The following MYH15 variants were observed in gnomAD, a reference collection of about 807,000 sequenced individuals.
MYH15 encodes the protein myosin-15.
MYH15 carries 227 observed loss-of-function variants against 240.5 expected under a neutral mutation model. That is an observed-to-expected ratio of 0.94 (90% CI 0.85 to 1.05). The LOEUF (loss-of-function observed/expected upper bound fraction) is 1.05, where lower values mean the gene tolerates loss of function less well. Ranked by LOEUF, MYH15 falls within the 50% of genes least tolerant of loss-of-function variation. The probability of loss-of-function intolerance (pLI) is 0.00; values close to 1 mark genes in which losing one functional copy is unlikely to be tolerated. For synonymous variants in MYH15, 785 were observed against 796.7 expected (o/e 0.99, Z 0.25); for missense variants, 2,217 against 2,247.5 (o/e 0.99, Z 0.27).
At chr3:108,541,248 CAAAT>C in the MYH15 span, among the ~76,000 whole-genome samples, 6 of 151,600 alleles carry the variant, frequency 4.0e-5, no homozygotes, top group Non-Finnish European at 5.9e-5. Flanking sequence ...GGAAAATTCT[CAAAT>C]AAATATGAGA....
At chr3:108,538,531 A>C in the MYH15 span, among the ~76,000 whole-genome samples, 1 of 152,228 alleles carries the variant, frequency 6.6e-6, no homozygotes, top group Non-Finnish European at 1.5e-5. Context: ...AACAGCATAC[A>C]CTTCAAGATT....
At chr3:108,453,370 T>C (rs1398002852) in intron 21 of MYH15, among the ~76,000 whole-genome samples, 1 of 152,250 alleles carries the variant, frequency 6.6e-6, no homozygotes, top group Non-Finnish European at 1.5e-5. Flanking sequence ...TGTAGACCTT[T>C]CTTCAGAAGA....
intron 11 of MYH15, among the ~76,000 whole-genome samples, chr3:108,484,727 A>T (rs2083292397): frequency 6.6e-6 from 1 of 151,928 alleles, no homozygotes. Context: ...TGATCCACCC[A>T]CCTCGGCCTC....
chr3:108,389,600 A>C (rs2082408867), intron 37 of MYH15, among the ~76,000 whole-genome samples: 1 of 152,200 alleles, frequency 6.6e-6, no homozygotes, highest in Non-Finnish European at 1.5e-5. Flanking sequence ...TGCCTGCTAC[A>C]TACCACACCC....
intron 5 of MYH15, among the ~76,000 whole-genome samples, chr3:108,498,414 T>C (rs2083410944): frequency 6.6e-6 from 1 of 152,208 alleles, no homozygotes; most frequent in African/African-American, 2.4e-5. Context: ...CTTGTGGTCC[T>C]AATAACAAGC....
At chr3:108,500,459 C>T (rs1335800817) in intron 3 of MYH15, among the ~76,000 whole-genome samples, 185 bp from the exon 4 acceptor site, 1 of 152,160 alleles carries the variant, frequency 6.6e-6, no homozygotes, top group East Asian at 1.9e-4. Flanking sequence ...AGAGTAACAT[C>T]AGGACCTGGG....
chr3:108,510,835 G>A (rs2083517656), upstream of MYH15, among the ~76,000 whole-genome samples: 2 of 151,998 alleles, frequency 1.3e-5, no homozygotes, highest in Non-Finnish European at 2.9e-5. Flanking sequence ...TGCTTTTAGG[G>A]GCCCATGAAA....
intron 1 of MYH15, among the ~76,000 whole-genome samples, chr3:108,516,827 C>A (rs966117567): frequency 1.3e-5 from 2 of 151,924 alleles, no homozygotes; most frequent in East Asian, 1.9e-4. Flanking sequence ...GAGTATTGCA[C>A]AAATTATTGA....
chr3:108,549,723 A>G, the MYH15 span: 1 of 152,054 alleles, frequency 6.6e-6, no homozygotes, highest in Admixed American at 6.6e-5. Context: ...TGGACATCAT[A>G]GAACACTGTC....
chr3:108,528,118 T>C (rs2083687654), intron 1 of MYH15, among the ~76,000 whole-genome samples: 1 of 152,184 alleles, frequency 6.6e-6, no homozygotes, highest in South Asian at 2.1e-4. Context: ...ACTGTAACAA[T>C]GGCAATTAAA....
intron 27 of MYH15, 104 bp downstream of exon 27, chr3:108,428,388 C>A (rs2082743552): frequency 1.5e-6 from 2 of 1,330,986 alleles, no homozygotes; most frequent in African/African-American, 1.5e-5. Context: ...AGAAAATACA[C>A]TGAGTCACTA....
intron 1 of MYH15, among the ~76,000 whole-genome samples, chr3:108,517,758 G>A (rs998277047): frequency 5.3e-5 from 8 of 152,202 alleles, no homozygotes; most frequent in Middle Eastern, 3.4e-3. Flanking sequence ...GTGAGCCACC[G>A]CACCCGGCCA....
intron 32 of MYH15, 42 bp from the exon 33 acceptor site, chr3:108,405,495 T>C (rs2082539864): frequency 1.6e-6 from 2 of 1,278,568 alleles, no homozygotes; most frequent in Non-Finnish European, 1.1e-6. Flanking sequence ...AGTCCACTTT[T>C]AGACAAAATT....
intron 16 of MYH15, among the ~76,000 whole-genome samples, chr3:108,462,788 T>C (rs28712334): frequency 0.015 from 2,312 of 152,150 alleles, 54 homozygotes; most frequent in African/African-American, 0.048. Flanking sequence ...ATTATATATA[T>C]ATAGTTATAT....
chr3:108,512,491 A>G (rs2083529035), upstream of MYH15, among the ~76,000 whole-genome samples: 1 of 152,118 alleles, frequency 6.6e-6, no homozygotes, highest in Non-Finnish European at 1.5e-5. Context: ...CACTCAGTAG[A>G]CAGTAGAGCT....
At chr3:108,541,474 T>TA in the MYH15 span, among the ~76,000 whole-genome samples, 6 of 150,502 alleles carry the variant, frequency 4.0e-5, no homozygotes, top group African/African-American at 1.5e-4. Context: ...AAAAGATGAA[T>TA]AAAAAAAAGA....
At chr3:108,493,019 A>AAAG in intron 8 of MYH15, 95 bp downstream of exon 8, 2 of 907,368 alleles carry the variant, frequency 2.2e-6, no homozygotes, top group South Asian at 3.1e-5. Flanking sequence ...GAAAGAAAGA[A>AAAG]GAAAAGGAAG....
At chr3:108,471,905 G>A (rs899774601) in intron 12 of MYH15, among the ~76,000 whole-genome samples, 39 of 152,162 alleles carry the variant, frequency 2.6e-4, no homozygotes, top group African/African-American at 8.0e-4. Context: ...CACTGCTGTA[G>A]CTGCTATAAA....
At chr3:108,464,542 T>C in intron 15 of MYH15, 96 bp downstream of exon 15, 2 of 1,229,466 alleles carry the variant, frequency 1.6e-6, no homozygotes, top group South Asian at 1.5e-5. Context: ...CTTCATTTAA[T>C]CTAAACATTA....
Sources: gnomAD v4.1 joint callset for allele counts (sites outside exome capture counted in the v4.1 genomes callset) on GRCh38, gnomAD v4.1.1 for gene constraint, MANE v1.5 for transcripts, NCBI Gene and HGNC (gene_info 2026-07-23, HGNC 2026-07-21) for gene names.